The following LRMDA variants were observed in gnomAD, a reference collection of about 807,000 sequenced individuals.
LRMDA encodes leucine rich melanocyte differentiation associated.
LRMDA carries 18 observed loss-of-function variants against 29.8 expected under a neutral mutation model. The observed-to-expected ratio is 0.60, with a 90% CI of 0.42 to 0.90. The LOEUF is 0.90. Among genes scored for constraint, LRMDA ranks in the 40% least tolerant of loss-of-function variants. The probability of loss-of-function intolerance (pLI) is 0.00; values close to 1 mark genes in which losing one functional copy is unlikely to be tolerated. For missense variants in LRMDA, 273 were observed against 273.9 expected, an observed-to-expected ratio of 1.00 and a Z score of 0.02; for synonymous variants, 125 against 109.4, an observed-to-expected ratio of 1.14 and a Z score of -0.89.
At chr10:76,114,471 G>C (rs78079916) in intron 5 of LRMDA, among the ~76,000 whole-genome samples, 1 of 152,152 alleles carries the variant, frequency 6.6e-6, no homozygotes. Context: ...AAGTGAAAAA[G>C]GGCCCATCCT....
At chr10:75,655,308 C>T (rs1430342) in intron 2 of LRMDA, among the ~76,000 whole-genome samples, 2,068 of 152,296 alleles carry the variant, frequency 0.014, 58 homozygotes, top group African/African-American at 0.047. Flanking sequence ...AGGATTTTGA[C>T]ATTTCTGAGA....
intron 6 of LRMDA, among the ~76,000 whole-genome samples, chr10:76,334,869 A>C (rs1840948627): frequency 6.6e-6 from 1 of 152,298 alleles, no homozygotes; most frequent in South Asian, 2.1e-4. Flanking sequence ...GATGAAAAAG[A>C]AGCTGTGGGC....
At chr10:76,492,453 C>G (rs1207947431) in intron 6 of LRMDA, among the ~76,000 whole-genome samples, 1 of 152,000 alleles carries the variant, frequency 6.6e-6, no homozygotes, top group African/African-American at 2.4e-5. Flanking sequence ...ATAGAGATAC[C>G]ACCTTGGTGG....
intron 5 of LRMDA, among the ~76,000 whole-genome samples, chr10:76,152,653 A>T (rs1850466327): frequency 6.6e-6 from 1 of 152,106 alleles, no homozygotes; most frequent in Admixed American, 6.5e-5. Context: ...CTAGCAATAC[A>T]TGAGAGTTTC....
chr10:75,866,055 G>A (rs962776913), intron 2 of LRMDA, among the ~76,000 whole-genome samples: 7 of 152,140 alleles, frequency 4.6e-5, no homozygotes, highest in Non-Finnish European at 1.0e-4. Context: ...GTTAGAAAAG[G>A]ATTGACAGAG....
chr10:75,831,874 C>T (rs1305810211), intron 2 of LRMDA, among the ~76,000 whole-genome samples: 2 of 152,224 alleles, frequency 1.3e-5, no homozygotes, highest in Non-Finnish European at 2.9e-5. Flanking sequence ...TGAGCTGTAC[C>T]TTGACCACTT....
chr10:76,418,743 T>A (rs1842044156), intron 6 of LRMDA, among the ~76,000 whole-genome samples: 1 of 152,094 alleles, frequency 6.6e-6, no homozygotes, highest in South Asian at 2.1e-4. Flanking sequence ...TATAGAACTG[T>A]TATCATTATC....
intron 5 of LRMDA, among the ~76,000 whole-genome samples, chr10:76,083,580 G>C (rs1163573893): frequency 6.6e-6 from 1 of 152,146 alleles, no homozygotes; most frequent in Non-Finnish European, 1.5e-5. Flanking sequence ...TCTAATTCCA[G>C]CACTTTGGGA....
At chr10:76,415,950 C>T (rs1842010134) in intron 6 of LRMDA, among the ~76,000 whole-genome samples, 1 of 152,212 alleles carries the variant, frequency 6.6e-6, no homozygotes, top group East Asian at 1.9e-4. Flanking sequence ...TAAGAGTAGG[C>T]TTTTAATCAG....
At chr10:76,306,157 C>T (rs1158112110) in intron 5 of LRMDA, among the ~76,000 whole-genome samples, 3 of 152,060 alleles carry the variant, frequency 2.0e-5, no homozygotes, top group African/African-American at 7.2e-5. Context: ...TTTTTTATAT[C>T]CTTATCCTCT....
chr10:76,454,100 T>C (rs764512153), intron 6 of LRMDA, among the ~76,000 whole-genome samples: 3 of 152,170 alleles, frequency 2.0e-5, no homozygotes, highest in Non-Finnish European at 2.9e-5. Flanking sequence ...ATAAGTTATT[T>C]TGAAATCACA....
chr10:76,355,130 C>G (rs1841223730), intron 6 of LRMDA, among the ~76,000 whole-genome samples: 1 of 152,140 alleles, frequency 6.6e-6, no homozygotes, highest in South Asian at 2.1e-4. Context: ...GACCTTTGCC[C>G]TTGAAAAGCT....
intron 2 of LRMDA, among the ~76,000 whole-genome samples, chr10:76,021,728 A>G (rs1847977489): frequency 1.3e-5 from 2 of 152,070 alleles, no homozygotes; most frequent in South Asian, 4.2e-4. Context: ...TTTTTCTCTC[A>G]CTCACTTTCT....
At chr10:76,354,053 CTG>C (rs763637392) in intron 6 of LRMDA, among the ~76,000 whole-genome samples, 26 of 152,120 alleles carry the variant, frequency 1.7e-4, no homozygotes, top group African/African-American at 5.8e-4. Context: ...GGGCAGGAAA[CTG>C]TGTTCCTGCC....
At chr10:75,878,389 GGGAAGGT>G in intron 2 of LRMDA, among the ~76,000 whole-genome samples, 1 of 151,968 alleles carries the variant, frequency 6.6e-6, no homozygotes, top group African/African-American at 2.4e-5. Flanking sequence ...GGCATGGAGT[GGGAAGGT>G]GGTCTTCCCC....
intron 2 of LRMDA, among the ~76,000 whole-genome samples, chr10:75,527,349 A>G (rs1277844932): frequency 1.3e-5 from 2 of 152,182 alleles, no homozygotes; most frequent in African/African-American, 4.8e-5. Context: ...TACTGTGAAC[A>G]TTCTTGTGCA....
intron 2 of LRMDA, among the ~76,000 whole-genome samples, chr10:75,586,236 T>C (rs1253601187): frequency 6.6e-6 from 1 of 152,138 alleles, no homozygotes; most frequent in African/African-American, 2.4e-5. Flanking sequence ...AGTTCTATGT[T>C]TCATTTTTTG....
intron 4 of LRMDA, among the ~76,000 whole-genome samples, chr10:76,050,244 T>C (rs1174784803): frequency 6.6e-6 from 1 of 152,226 alleles, no homozygotes; most frequent in African/African-American, 2.4e-5. Context: ...TATGTAGTTA[T>C]TGGAAATGGC....
intron 5 of LRMDA, chr10:76,260,867 A>G (rs777072288): frequency 6.6e-6 from 1 of 152,162 alleles, no homozygotes; most frequent in Non-Finnish European, 1.5e-5. Flanking sequence ...TCTCTGTATC[A>G]TTATAATTTG....
Sources: allele counts gnomAD v4.1 joint callset (sites outside exome capture counted in the v4.1 genomes callset), GRCh38; gene constraint gnomAD v4.1.1; transcripts MANE v1.5; gene names NCBI Gene and HGNC (gene_info 2026-07-23, HGNC 2026-07-21).